Variants in ENOX2 observed in about 807,000 individuals in gnomAD.
ENOX2 encodes the protein ecto-NOX disulfide-thiol exchanger 2, also known as APK1 antigen.
Under a neutral mutation model 45.0 loss-of-function variants are expected in ENOX2, and 36 were observed. The observed-to-expected ratio is 0.80, with a 90% CI of 0.61 to 1.06. ENOX2 has a LOEUF of 1.06. Ranked by LOEUF, ENOX2 falls within the 50% of genes least tolerant of loss-of-function variation. ENOX2 has a pLI of 0.00. For missense variants in ENOX2, 423 were observed against 462.5 expected (o/e 0.91, Z 0.78); for synonymous variants, 174 against 152.3 (o/e 1.14, Z -1.05).
At chrX:130,693,315 C>T (rs997352733) in intron 4 of ENOX2, among the ~76,000 whole-genome samples, 25 of 112,436 alleles carry the variant, frequency 2.2e-4, no homozygotes, top group Non-Finnish European at 4.3e-4. Context: ...AGTGAACCAC[C>T]ATAACTGTTT....
At chrX:130,693,176 T>C (rs2037659619) in intron 4 of ENOX2, among the ~76,000 whole-genome samples, 1 of 111,952 alleles carries the variant, frequency 8.9e-6, no homozygotes, top group Admixed American at 9.5e-5. Flanking sequence ...CCTATATCTA[T>C]TCATTCAATA....
At chrX:130,696,512 G>T (rs1390993671) in intron 4 of ENOX2, among the ~76,000 whole-genome samples, 1 of 111,954 alleles carries the variant, frequency 8.9e-6, no homozygotes, top group Non-Finnish European at 1.9e-5. Flanking sequence ...ACTAAAAGAA[G>T]ATTTTAAAAT....
At chrX:130,829,987 T>G (rs772399625) in intron 2 of ENOX2, among the ~76,000 whole-genome samples, 1 of 112,021 alleles carries the variant, frequency 8.9e-6, no homozygotes, top group Non-Finnish European at 1.9e-5. Flanking sequence ...CTTATGTTCC[T>G]AATGAGAAAA....
chrX:130,818,490 T>G (rs753948529), intron 2 of ENOX2, among the ~76,000 whole-genome samples: 31 of 111,767 alleles, frequency 2.8e-4, no homozygotes, highest in African/African-American at 1.0e-3. Flanking sequence ...GCTACCTGAC[T>G]TCAAACTATA....
chrX:130,642,510 T>G lies in ENOX2; in HGVS notation c.1130-5100A>C, dbSNP rs146329825. Among the ~76,000 whole-genome samples the G allele has an allele frequency of 9.2e-3, 1,032 of 112,665 alleles. 11 individuals are homozygous for G. The highest frequency in any genetic ancestry group is 0.031 in the African/African-American group (972 of 31,058). On this transcript the variant is annotated intron_variant, in intron 10 of 14. Coordinates refer to ENST00000394363, the MANE Select transcript of ENOX2 (RefSeq NM_006375.4). ...CAGTTGATAAAGCAGTTATGGGGTT[T>G]GAGAGGACTGACTTCGATTTTGAAA...
chrX:130,632,365 G>C (rs1203588746), intron 12 of ENOX2, among the ~76,000 whole-genome samples: 1 of 5,381 alleles, frequency 1.9e-4, no homozygotes, highest in East Asian at 7.4e-3. Context: ...AGGAAGGGGC[G>C]GGGGGGGGGG....
At chrX:130,787,157 A>G (rs2076983402) in intron 2 of ENOX2, among the ~76,000 whole-genome samples, 1 of 110,322 alleles carries the variant, frequency 9.1e-6, no homozygotes, top group Non-Finnish European at 1.9e-5. Flanking sequence ...ATGGCCAGTG[A>G]TGATGAGCAT....
chrX:130,730,298 A>G (rs2038706500), intron 3 of ENOX2, among the ~76,000 whole-genome samples: 1 of 112,582 alleles, frequency 8.9e-6, no homozygotes, highest in Non-Finnish European at 1.9e-5. Flanking sequence ...TTGTTGCTCC[A>G]GTTAGAACTT....
At chrX:130,718,520 G>C (rs1300722192) in intron 3 of ENOX2, among the ~76,000 whole-genome samples, 1 of 111,920 alleles carries the variant, frequency 8.9e-6, no homozygotes, top group Non-Finnish European at 1.9e-5. Context: ...AGATAAACAA[G>C]GGATATTAAT....
chrX:130,748,979 C>T (rs1337265871), intron 3 of ENOX2, among the ~76,000 whole-genome samples: 1 of 111,867 alleles, frequency 8.9e-6, no homozygotes, highest in Non-Finnish European at 1.9e-5. Flanking sequence ...TGAGCCTGGT[C>T]CTCAGCATTT....
intron 2 of ENOX2, among the ~76,000 whole-genome samples, chrX:130,853,463 C>CAAA (rs754949787): frequency 8.6e-4 from 24 of 27,885 alleles, no homozygotes; most frequent in African/African-American, 2.2e-3. Context: ...GACTCCGTCT[C>CAAA]AAAAAAAAAA....
chrX:130,820,826 T>C (rs776994493), intron 2 of ENOX2, among the ~76,000 whole-genome samples: 1 of 111,798 alleles, frequency 8.9e-6, no homozygotes, highest in Admixed American at 9.5e-5. Context: ...GAGTTGAGGA[T>C]ATTATGGTCA....
intron 11 of ENOX2, among the ~76,000 whole-genome samples, chrX:130,635,984 C>T (rs1285821066): frequency 8.9e-6 from 1 of 111,946 alleles, no homozygotes; most frequent in Admixed American, 9.4e-5. Flanking sequence ...ATTTAAGTAG[C>T]AGAACTATCC....
At chrX:130,655,704 T>A (rs1419659480) in intron 10 of ENOX2, among the ~76,000 whole-genome samples, 1 of 112,151 alleles carries the variant, frequency 8.9e-6, no homozygotes, top group Non-Finnish European at 1.9e-5. Flanking sequence ...GTGCGACCTC[T>A]GCTCACTGCA....
chrX:130,776,247 C>T (rs886143683), intron 3 of ENOX2, among the ~76,000 whole-genome samples: 1 of 111,665 alleles, frequency 9.0e-6, no homozygotes, highest in East Asian at 2.8e-4. Context: ...GCCCAATAAT[C>T]ACGAAATTGA....
chrX:130,697,011 A>AT (rs906389981), intron 4 of ENOX2, among the ~76,000 whole-genome samples: 4 of 110,781 alleles, frequency 3.6e-5, no homozygotes, highest in Non-Finnish European at 7.6e-5. Context: ...GATTTATTTT[A>AT]TTTTTTTATA....
At chrX:130,719,351 G>C (rs2038411833) in intron 3 of ENOX2, among the ~76,000 whole-genome samples, 1 of 109,988 alleles carries the variant, frequency 9.1e-6, no homozygotes, top group Non-Finnish European at 1.9e-5. Context: ...TATAGAGTTA[G>C]GCTACCTGCT....
chrX:130,679,764 A>G lies in ENOX2; in HGVS notation c.254-16T>C, dbSNP rs201063986. 8.7e-7 allele frequency: 1 copy of G among 1,145,307 alleles called. No individual in the cohort carries two copies. Among genetic ancestry groups the G allele is most frequent in the African/African-American group, 1.8e-5 (1 of 56,678 alleles). 94.4% of individuals were successfully genotyped at this position (1,145,307 alleles called of 1,213,427 possible). A position where few individuals can be genotyped will look rare whatever the true frequency, so the allele number is the denominator to read the frequency against. ...GGTGGGAGATCTAAGTTGTAAGGGC[A>G]AAAACATTTGAAATTAAAATGTTTG... On this transcript the variant is annotated splice_polypyrimidine_tract_variant and intron_variant, in intron 5 of 14. Transcript: ENST00000394363.
At chrX:130,892,456 G>A (rs1255815526) in intron 2 of ENOX2, among the ~76,000 whole-genome samples, 1 of 112,292 alleles carries the variant, frequency 8.9e-6, no homozygotes, top group South Asian at 3.7e-4. Flanking sequence ...CCAGGCAGGT[G>A]GAGACATCCT....
Sources: allele counts gnomAD v4.1 joint callset (sites outside exome capture counted in the v4.1 genomes callset), GRCh38; gene constraint gnomAD v4.1.1; transcripts MANE v1.5; gene names NCBI Gene and HGNC (gene_info 2026-07-23, HGNC 2026-07-21).